The following SACS variants were observed in gnomAD, a reference collection of about 807,000 sequenced individuals.
SACS encodes sacsin.
Under a neutral mutation model 348.0 loss-of-function variants are expected in SACS, and 197 were observed. The observed-to-expected ratio is 0.57, with a 90% CI of 0.50 to 0.64. The LOEUF is 0.64. Ranked by LOEUF, SACS falls within the 30% of genes least tolerant of loss-of-function variation. The pLI is 0.00. For missense variants in SACS, 4,999 were observed against 5,360.8 expected (o/e 0.93, Z 2.11); for synonymous variants, 1,985 against 1,910.6 (o/e 1.04, Z -1.02).
At chr13:23,352,339 G>A (rs1050965873) in intron 9 of SACS, among the ~76,000 whole-genome samples, 5 of 152,206 alleles carry the variant, frequency 3.3e-5, no homozygotes, top group African/African-American at 9.6e-5. Context: ...AAAGCCAGAC[G>A]CAGAATATAT....
intron 2 of SACS, among the ~76,000 whole-genome samples, chr13:23,406,131 A>G (rs887771236): frequency 3.3e-5 from 5 of 152,272 alleles, no homozygotes; most frequent in African/African-American, 1.2e-4. Context: ...GAACCAATCC[A>G]AATGCCCATC....
chr13:23,353,049 A>ACCC (rs1465890113), intron 9 of SACS, among the ~76,000 whole-genome samples: 2 of 152,216 alleles, frequency 1.3e-5, no homozygotes, highest in Admixed American at 1.3e-4. Context: ...TTTCAGGACA[A>ACCC]CATCTCACTT....
Position 23,330,373 on chromosome 13 carries a change from T to G in SACS, c.13503A>C (p.Lys4501Asn), listed in dbSNP as rs755850308. The G allele has an allele frequency of 1.4e-5, 22 of 1,614,076 alleles. No homozygotes were observed. Among genetic ancestry groups the G allele is most frequent in the Middle Eastern group, 1.6e-4 (1 of 6,084 alleles). ...CTATTTTCTGAGCAAGTGCAGTTGG[T>G]TTTACATCTTTATCAGACTTTCCCC... ...AVRGKSDKDV[K>N]PTALAQKIEE... The change falls in exon 10 of 10, where the codon AAA becomes AAC. Residue 4501 changes from lysine (K) to asparagine (N), a missense_variant. Physicochemically the swap from Lys to Asn is moderately conservative, Grantham distance 94 (BLOSUM62 0). Around this residue, in one of 6 missense-constraint regions of SACS, gnomAD observed 254 missense variants for 275.1 expected, o/e 0.92. Transcript: ENST00000382292.
rs112996626 is a variant in SACS at position 23,397,442 on chromosome 13, T to C, written c.20+13778A>G. ...CTCACTAAGATTGGATTAATTTATT[T>C]ATAAGGTTTCTTTTTTAATGCATTT... On this transcript the variant is annotated intron_variant, in intron 2 of 9. Transcript: ENST00000382292. Among the ~76,000 whole-genome samples the C allele has an allele frequency of 4.7e-3, 722 of 152,296 alleles. 4 individuals carry two copies. Among genetic ancestry groups the C allele is most frequent in the African/African-American group, 0.016 (663 of 41,584 alleles).
intron 2 of SACS, among the ~76,000 whole-genome samples, chr13:23,392,209 C>T (rs2137900064): frequency 6.6e-6 from 1 of 152,304 alleles, no homozygotes; most frequent in East Asian, 1.9e-4. Flanking sequence ...ACCGGGCCCT[C>T]TCTTTCCATC....
intron 3 of SACS, among the ~76,000 whole-genome samples, chr13:23,374,320 C>T (rs1871604477): frequency 6.6e-6 from 1 of 152,208 alleles, no homozygotes; most frequent in Non-Finnish European, 1.5e-5. Flanking sequence ...ATACCAACTA[C>T]TTCACCAATA....
In SACS at chr13:23,355,344, G is replaced by C. The variant is rs1313148579; in HGVS notation, c.1268C>G (p.Ala423Gly). 2 of 1,613,922 alleles carry C rather than the reference G, an allele frequency of 1.2e-6. No homozygotes were observed. Among genetic ancestry groups the C allele is most frequent in the African/African-American group, 2.7e-5 (2 of 74,874 alleles). Residue 423 changes from alanine (A) to glycine (G), a missense_variant, in exon 8 of 10, where the codon GCC (alanine) becomes GGC (glycine). Ala to Gly is a moderately conservative substitution (Grantham distance 60). This residue lies in a region of SACS where 3,156 missense variants were observed against 3,380.1 expected (regional missense o/e 0.93). Coordinates refer to ENST00000382292, the MANE Select transcript of SACS (RefSeq NM_014363.6). The part of the protein sequence containing the change: ...ELKFVPIIGI[A>G]MPLSSRDDEA... ...ATCATCTCTGCTTGATAAAGGCATG[G>C]CTATTCCAATGATTGGGACAAATTT...
rs987403207 is a variant in SACS, at chr13:23,337,826, T to C, written c.6050A>G (p.Lys2017Arg). ...AAFKIFLKYL[K>R]KTGSKNLCAV... ...ACAAAGGTTTTTGGACCCAGTCTTCTTGAGGTATTTCAAAAATATCTTGAA... is the reference window on the plus strand; with the variant it reads ...ACAAAGGTTTTTGGACCCAGTCTTCCTGAGGTATTTCAAAAATATCTTGAA... Residue 2017 changes from lysine (K) to arginine (R), a missense_variant, in exon 10 of 10, where the codon AAG becomes AGG. By Grantham distance (26) the Lys-to-Arg change is conservative (BLOSUM62 2). This residue lies in a region of SACS where 3,156 missense variants were observed against 3,380.1 expected (regional missense o/e 0.93). Transcript: ENST00000382292. The C allele has an allele frequency of 6.2e-7, 1 of 1,613,834 alleles. No homozygotes were observed. The highest frequency in any genetic ancestry group is 1.3e-5 in the African/African-American group (1 of 74,940).
At position 23,331,061 on chromosome 13, in the gene SACS, C is replaced by T; in HGVS notation, c.12815G>A (p.Gly4272Asp). The T allele has an allele frequency of 6.2e-7, 1 of 1,614,008 alleles. No individual in the cohort carries two copies. The change falls in exon 10 of 10, where the codon GGC becomes GAC. Residue 4272 changes from glycine (G) to aspartate (D), a missense_variant. This residue lies in a region of SACS where 831 missense variants were observed against 941.8 expected (regional missense o/e 0.88). Transcript: ENST00000382292. ...PTSPTEFLTPGLRSIPPLFSG... is the reference protein window; with the variant it reads ...PTSPTEFLTPDLRSIPPLFSG... ...GAAAAGAGGAGGAATGCTTCTCAGG[C>T]CAGGGGTGAGGAACTCAGTGGGGCT...
intron 2 of SACS, among the ~76,000 whole-genome samples, chr13:23,386,204 G>A (rs932388577): frequency 3.9e-5 from 6 of 152,164 alleles, no homozygotes; most frequent in African/African-American, 1.4e-4. Flanking sequence ...TTCCTCTATA[G>A]CTATGAAAGT....
intron 2 of SACS, among the ~76,000 whole-genome samples, chr13:23,399,545 A>T (rs72474256): frequency 0.093 from 14,207 of 152,120 alleles, 833 homozygotes; most frequent in South Asian, 0.13. Flanking sequence ...AATTTTAAAC[A>T]GTAGCCAATT....
intron 6 of SACS, among the ~76,000 whole-genome samples, chr13:23,358,745 A>C (rs1566082906): frequency 1.3e-5 from 2 of 152,248 alleles, no homozygotes; most frequent in Admixed American, 1.3e-4. Flanking sequence ...ATACCCAAAA[A>C]CATAAGGCAA....
chr13:23,407,326 G>A (rs1169279826), intron 2 of SACS, among the ~76,000 whole-genome samples: 2 of 152,106 alleles, frequency 1.3e-5, no homozygotes, highest in Non-Finnish European at 2.9e-5. Flanking sequence ...AGCCTCCCAA[G>A]TAGCTGGGAC....
chr13:23,352,207 C>G (rs1374044929), intron 9 of SACS, among the ~76,000 whole-genome samples: 1 of 152,156 alleles, frequency 6.6e-6, no homozygotes, highest in African/African-American at 2.4e-5. Context: ...CTGCCACCAA[C>G]AAAAATATTT....
chr13:23,330,680 G>A lies in SACS; in HGVS notation c.13196C>T (p.Thr4399Ile). The A allele has an allele frequency of 2.5e-6, 4 of 1,614,084 alleles. No homozygotes were observed. Among genetic ancestry groups the A allele is most frequent in the Non-Finnish European group, 3.4e-6 (4 of 1,179,966 alleles). ...SDKYSFQRFY[T>I]SWNQEATSHK... ...GCTCGTTGCTTCTTGATTCCATGAA[G>A]TATAGAATCTCTGAAATGAGTATTT... The change falls in exon 10 of 10, where the codon ACT becomes ATT. Residue 4399 changes from threonine (T) to isoleucine (I), a missense_variant. By Grantham distance (89) the Thr-to-Ile change is moderately conservative. This residue lies in a region of SACS where 254 missense variants were observed against 275.1 expected (regional missense o/e 0.92). Transcript: ENST00000382292.
intron 2 of SACS, among the ~76,000 whole-genome samples, chr13:23,387,074 C>T (rs764560004): frequency 5.9e-5 from 9 of 152,080 alleles, no homozygotes; most frequent in Non-Finnish European, 1.2e-4. Context: ...CAAAATGCGA[C>T]ACAGAGACAC....
rs906111388 is a variant in SACS at position 23,429,252 on chromosome 13, T to C, written c.-502+4363A>G. Among the ~76,000 whole-genome samples the C allele has an allele frequency of 1.3e-4, 20 of 151,710 alleles. No individual in the cohort carries two copies. In the East Asian group the frequency reaches 2.5e-3, roughly 19 times the overall value. On this transcript the variant is annotated intron_variant, in intron 1 of 9. Coordinates refer to ENST00000382292, the MANE Select transcript of SACS (RefSeq NM_014363.6). ...TTTTTGAAGGAAAAATAATATTCAA[T>C]TATTTCTTTAAAAACTAATTCTTTG...
At chr13:23,418,804 C>T (rs1873789974) in intron 1 of SACS, among the ~76,000 whole-genome samples, 1 of 152,182 alleles carries the variant, frequency 6.6e-6, no homozygotes, top group Admixed American at 6.5e-5. Flanking sequence ...GGTGCCTGAC[C>T]AGAATATCAT....
intron 6 of SACS, among the ~76,000 whole-genome samples, 154 bp from the exon 7 acceptor site, chr13:23,358,635 CAATAAA>C (rs1370266978): frequency 2.6e-5 from 4 of 151,832 alleles, no homozygotes; most frequent in African/African-American, 9.7e-5. Context: ...TCTGTTTTTA[CAATAAA>C]AATAAAGACA....
Sources: allele counts gnomAD v4.1 joint callset (sites outside exome capture counted in the v4.1 genomes callset), GRCh38; gene constraint gnomAD v4.1.1; regional missense constraint gnomAD v4.1.1; transcripts MANE v1.5; gene names NCBI Gene and HGNC (gene_info 2026-07-23, HGNC 2026-07-21).